PID1: variants seen among roughly 807,000 people sequenced by gnomAD.
PID1 encodes the protein phosphotyrosine interaction domain containing 1.
PID1 carries 10 observed loss-of-function variants against 19.1 expected under a neutral mutation model. The observed-to-expected ratio is 0.52, with a 90% CI of 0.32 to 0.89. The LOEUF (loss-of-function observed/expected upper bound fraction) is 0.89, where lower values mean the gene tolerates loss of function less well. PID1 is among the 40% of genes least tolerant of loss of function. The pLI is 0.03. For synonymous variants in PID1, 130 were observed against 116.0 expected, an observed-to-expected ratio of 1.12 and a Z score of -0.78; for missense variants, 248 against 285.3, an observed-to-expected ratio of 0.87 and a Z score of 0.94.
chr2:229,263,278 G>C (rs1369928585), intron 1 of PID1, among the ~76,000 whole-genome samples: 1 of 152,186 alleles, frequency 6.6e-6, no homozygotes, highest in African/African-American at 2.4e-5. Context: ...TATCATGCTA[G>C]CCTTCTTAGT....
chr2:229,072,200 C>CA, intron 2 of PID1, among the ~76,000 whole-genome samples: 1 of 152,302 alleles, frequency 6.6e-6, no homozygotes, highest in East Asian at 1.9e-4. Context: ...AAATAATAAT[C>CA]AACTAAGAAA....
chr2:229,147,276 TC>T (rs1690154742), intron 2 of PID1, among the ~76,000 whole-genome samples: 1 of 152,194 alleles, frequency 6.6e-6, no homozygotes, highest in African/African-American at 2.4e-5. Flanking sequence ...GAATGGAGTT[TC>T]CTATAAATTT....
At chr2:229,262,245 T>C (rs1227007) in intron 1 of PID1, among the ~76,000 whole-genome samples, 45,146 of 152,044 alleles carry the variant, frequency 0.3, 7,837 homozygotes, top group East Asian at 0.69. Flanking sequence ...AGTAACTGTG[T>C]TTCACATTCC....
intron 2 of PID1, among the ~76,000 whole-genome samples, chr2:229,150,892 C>T (rs765984213): frequency 6.7e-6 from 1 of 149,212 alleles, no homozygotes; most frequent in Non-Finnish European, 1.5e-5. Context: ...TGAGAATCTG[C>T]GTGGTATATC....
intron 1 of PID1, among the ~76,000 whole-genome samples, chr2:229,266,206 A>G (rs1024861204): frequency 1.3e-5 from 2 of 152,172 alleles, no homozygotes; most frequent in Non-Finnish European, 2.9e-5. Context: ...CTCTGTAATA[A>G]TAGCTGTTGC....
chr2:229,195,420 A>G (rs911913342), intron 1 of PID1, among the ~76,000 whole-genome samples: 3 of 151,868 alleles, frequency 2.0e-5, no homozygotes, highest in African/African-American at 7.2e-5. Context: ...GCATACATAC[A>G]TGTATAAACA....
chr2:229,249,720 T>A (rs1023282073), intron 1 of PID1, among the ~76,000 whole-genome samples: 1 of 152,144 alleles, frequency 6.6e-6, no homozygotes, highest in Non-Finnish European at 1.5e-5. Flanking sequence ...CAGGAAAGAC[T>A]TTGGCAGAAG....
intron 1 of PID1, among the ~76,000 whole-genome samples, chr2:229,256,218 C>A (rs1690291339): frequency 1.3e-5 from 2 of 152,210 alleles, no homozygotes. Context: ...CCAGATGGAA[C>A]AGCAGCTGCT....
At chr2:229,152,238 C>T (rs1486558397) in intron 2 of PID1, among the ~76,000 whole-genome samples, 5 of 152,156 alleles carry the variant, frequency 3.3e-5, no homozygotes, top group African/African-American at 1.2e-4. Context: ...AGTGCAGGCT[C>T]CTGTTCCCCA....
chr2:229,197,135 G>A (rs985348534), intron 1 of PID1, among the ~76,000 whole-genome samples: 9 of 151,938 alleles, frequency 5.9e-5, no homozygotes, highest in African/African-American at 2.2e-4. Context: ...GGATACAAAG[G>A]TGAAATAACA....
At chr2:229,173,394 T>G (rs901136598) in intron 1 of PID1, among the ~76,000 whole-genome samples, 1 of 152,242 alleles carries the variant, frequency 6.6e-6, no homozygotes, top group Non-Finnish European at 1.5e-5. Flanking sequence ...CAAACAGCAC[T>G]TGACATCTGT....
At chr2:229,172,750 G>A (rs1429676562) in intron 1 of PID1, among the ~76,000 whole-genome samples, 5 of 152,040 alleles carry the variant, frequency 3.3e-5, no homozygotes, top group Admixed American at 3.3e-4. Flanking sequence ...TTTGTTTTGA[G>A]ACAAGAGTTT....
chr2:229,260,619 A>C (rs991091861), intron 1 of PID1, among the ~76,000 whole-genome samples: 3 of 151,756 alleles, frequency 2.0e-5, no homozygotes, highest in African/African-American at 7.3e-5. Flanking sequence ...TGGAAAAATA[A>C]CCACTAGATA....
chr2:229,068,792 T>A (rs527897743), intron 2 of PID1, among the ~76,000 whole-genome samples: 83 of 152,254 alleles, frequency 5.5e-4, no homozygotes, highest in African/African-American at 1.9e-3. Flanking sequence ...GTCTGTTTTG[T>A]AGATGAAGAG....
intron 2 of PID1, among the ~76,000 whole-genome samples, chr2:229,113,646 A>G (rs2106151232): frequency 6.6e-6 from 1 of 150,550 alleles, no homozygotes; most frequent in African/African-American, 2.4e-5. Flanking sequence ...AGATGGGAAG[A>G]CTGAGGCACA....
rs535409738 is a variant in PID1 at position 229,126,448 on chromosome 2, A to C, written c.177+29370T>G. ...CAAAAAAAAAAACCCTGTGTATTACACATTTCTCAGCTAAGTCCCAGACTC... is the reference window on the plus strand; with the variant it reads ...CAAAAAAAAAAACCCTGTGTATTACCCATTTCTCAGCTAAGTCCCAGACTC... On this transcript the variant is annotated intron_variant, in intron 2 of 2. Transcript: ENST00000392055. Among the ~76,000 whole-genome samples, 22 of 152,260 alleles carry C rather than the reference A, an allele frequency of 1.4e-4. No individual in the cohort carries two copies. In the East Asian group the frequency reaches 4.3e-3, roughly 29 times the overall value.
chr2:229,174,217 G>T (rs1690768158), intron 1 of PID1, among the ~76,000 whole-genome samples: 1 of 152,206 alleles, frequency 6.6e-6, no homozygotes, highest in South Asian at 2.1e-4. Context: ...AGAATCTGTA[G>T]TGGACTTGCT....
chr2:229,227,972 C>A, intron 1 of PID1: 1 of 455,978 alleles, frequency 2.2e-6, no homozygotes, highest in Non-Finnish European at 4.4e-6. Flanking sequence ...TCTTGACTAT[C>A]TGTAGATTTT....
rs190658599 is a variant in PID1, at chr2:229,154,375, C to T, written c.177+1443G>A. ...GACCACCCACCTCATAGAATTAGTA[C>T]GCCCTATTCTTTCGCCTGAAAGATT... is the stretch of plus-strand genomic sequence containing the variant. On this transcript the variant is annotated intron_variant, in intron 2 of 2. Coordinates refer to ENST00000392055, the MANE Select transcript of PID1 (RefSeq NM_001100818.2). Among the ~76,000 whole-genome samples, 16 of 152,190 alleles carry T rather than the reference C, an allele frequency of 1.1e-4. No individual in the cohort carries two copies. The East Asian group carries it at 2.7e-3, about 26-fold the overall frequency.
Sources: allele counts gnomAD v4.1 joint callset (sites outside exome capture counted in the v4.1 genomes callset), GRCh38; gene constraint gnomAD v4.1.1; transcripts MANE v1.5; gene names NCBI Gene and HGNC (gene_info 2026-07-23, HGNC 2026-07-21).